The following KCNQ5 variants were observed in gnomAD, a reference collection of about 807,000 sequenced individuals.
The protein encoded by KCNQ5 is potassium voltage-gated channel subfamily KQT member 5.
KCNQ5 carries 30 observed loss-of-function variants against 98.2 expected under a neutral mutation model. The observed-to-expected ratio is 0.31, with a 90% CI of 0.23 to 0.41. The LOEUF is 0.41. KCNQ5 is among the 10% of genes least tolerant of loss of function. The pLI is 1.00. For synonymous variants in KCNQ5, 458 were observed against 449.4 expected (o/e 1.02, Z -0.24); for missense variants, 835 against 1,182.5 (o/e 0.71, Z 4.31).
chr6:73,176,424 T>G (rs767636046), intron 11 of KCNQ5, among the ~76,000 whole-genome samples: 1 of 152,252 alleles, frequency 6.6e-6, no homozygotes, highest in Admixed American at 6.5e-5. Context: ...TCGTGCTTCC[T>G]GCACAGCCTG....
chr6:72,882,148 T>A (rs6908756), intron 1 of KCNQ5, among the ~76,000 whole-genome samples: 40,850 of 152,136 alleles, frequency 0.27, 5,738 homozygotes, highest in Admixed American at 0.3. Context: ...ATTTTTTAAA[T>A]GAACAGAATA....
At chr6:73,053,705 T>G (rs1401955470) in intron 3 of KCNQ5, among the ~76,000 whole-genome samples, 1 of 152,044 alleles carries the variant, frequency 6.6e-6, no homozygotes, top group Non-Finnish European at 1.5e-5. Flanking sequence ...AAAGCAATAT[T>G]AAGAGGGAAG....
Position 73,123,258 on chromosome 6 carries a change from G to C in KCNQ5, c.1221-1228G>C, listed in dbSNP as rs118190501. 9.3e-3 allele frequency among the ~76,000 whole-genome samples: 1,415 copies of C among 152,174 alleles called. 14 individuals carry two copies. Among genetic ancestry groups the C allele is most frequent in the South Asian group, 0.059 (286 of 4,814 alleles). Reference sequence around the variant, plus strand: ...GTGCTAAGGAGAAAAGTAAAATAAAGAAGGAATTTAGGGAGCATCAGAGGC... The same window carrying C: ...GTGCTAAGGAGAAAAGTAAAATAAACAAGGAATTTAGGGAGCATCAGAGGC... On this transcript the variant is annotated intron_variant, in intron 8 of 13. Coordinates refer to ENST00000370398, the MANE Select transcript of KCNQ5 (RefSeq NM_019842.4).
intron 1 of KCNQ5, among the ~76,000 whole-genome samples, chr6:72,792,087 G>T (rs1774082050): frequency 6.6e-6 from 1 of 152,138 alleles, no homozygotes; most frequent in Admixed American, 6.5e-5. Flanking sequence ...ATCTTGATTT[G>T]AGCTTCATTT....
At position 72,622,381 on chromosome 6, in the gene KCNQ5, C is replaced by T. The variant is rs539676999; in HGVS notation, c.192C>T (p.Arg64=). ...ACGGCCTGCTACTGCTGGGCACCCGCGCGGCCACGCTCGGTGGCGGCGGCG... is the reference window on the plus strand; with the variant it reads ...ACGGCCTGCTACTGCTGGGCACCCGTGCGGCCACGCTCGGTGGCGGCGGCG... ...RGDGLLLLGT[R]AATLGGGGGG... is the part of the protein sequence containing the mutation. The change falls in exon 1 of 14, where the codon CGC becomes CGT. Residue 64 remains arginine (R), a synonymous_variant. Transcript: ENST00000370398. This position sits in a 1 kb window ranked among gnomAD's most constrained non-coding sequence, Gnocchi z 6.0. The T allele has an allele frequency of 4.1e-5, 60 of 1,468,286 alleles. No individual in the cohort carries two copies. Among genetic ancestry groups the T allele is most frequent in the African/African-American group, 3.9e-4 (27 of 68,738 alleles). 91.0% of individuals were successfully genotyped at this position (1,468,286 alleles called of 1,614,324 possible).
At chr6:72,904,735 T>C (rs1381450059) in intron 1 of KCNQ5, among the ~76,000 whole-genome samples, 1 of 152,246 alleles carries the variant, frequency 6.6e-6, no homozygotes, top group African/African-American at 2.4e-5. Flanking sequence ...AGAAATCTGC[T>C]GTTAATCTAA....
chr6:72,998,664 GAGA>G (rs1351593646), intron 1 of KCNQ5, among the ~76,000 whole-genome samples: 7 of 151,802 alleles, frequency 4.6e-5, no homozygotes, highest in Admixed American at 3.3e-4. Context: ...GTGAACCCGG[GAGA>G]AGGAGCTTGC....
chr6:72,971,514 A>G (rs1015543491), intron 1 of KCNQ5, among the ~76,000 whole-genome samples: 1 of 152,226 alleles, frequency 6.6e-6, no homozygotes, highest in Admixed American at 6.5e-5. Flanking sequence ...CCAAAGGATT[A>G]TAAATCATGC....
At chr6:72,642,680 C>A (rs1239216321) in intron 1 of KCNQ5, among the ~76,000 whole-genome samples, 1 of 152,098 alleles carries the variant, frequency 6.6e-6, no homozygotes, top group African/African-American at 2.4e-5. Context: ...TTAGTGCAAT[C>A]ATTGTGGAAA....
At chr6:72,667,353 TC>T (rs976046049) in intron 1 of KCNQ5, among the ~76,000 whole-genome samples, 1 of 152,198 alleles carries the variant, frequency 6.6e-6, no homozygotes, top group Non-Finnish European at 1.5e-5. Flanking sequence ...CAGATTCGTA[TC>T]CCGACTTCAC....
intron 1 of KCNQ5, among the ~76,000 whole-genome samples, chr6:72,983,461 T>C (rs1001577938): frequency 1.3e-5 from 2 of 152,214 alleles, no homozygotes; most frequent in African/African-American, 4.8e-5. Context: ...ACTTGATCGA[T>C]AAGGCTGTTG....
chr6:72,869,739 C>T (rs1241521323), intron 1 of KCNQ5, among the ~76,000 whole-genome samples: 6 of 151,998 alleles, frequency 3.9e-5, no homozygotes, highest in Non-Finnish European at 7.4e-5. Context: ...GAGTAATGTG[C>T]CTAAGGGATG....
At chr6:73,090,763 C>T (rs1309674378) in intron 5 of KCNQ5, among the ~76,000 whole-genome samples, 1 of 152,166 alleles carries the variant, frequency 6.6e-6, no homozygotes, top group Non-Finnish European at 1.5e-5. Flanking sequence ...AAGTCAAAAC[C>T]ACAATGAGAT....
At chr6:72,916,710 A>T (rs1022969665) in intron 1 of KCNQ5, among the ~76,000 whole-genome samples, 1 of 152,218 alleles carries the variant, frequency 6.6e-6, no homozygotes, top group Non-Finnish European at 1.5e-5. Flanking sequence ...AGTAAATTCA[A>T]AAAGTTTTCC....
intron 1 of KCNQ5, among the ~76,000 whole-genome samples, chr6:72,684,832 T>TTGTGTCTG (rs1343160810): frequency 6.6e-6 from 1 of 152,042 alleles, no homozygotes; most frequent in Admixed American, 6.6e-5. Context: ...GTGTATGCAT[T>TTGTGTCTG]TGTGTCTGTG....
intron 1 of KCNQ5, among the ~76,000 whole-genome samples, chr6:72,892,170 G>C (rs556739349): frequency 6.6e-6 from 1 of 152,234 alleles, no homozygotes; most frequent in East Asian, 1.9e-4. Context: ...TGCTAAAAGA[G>C]CATCATTTTA....
intron 1 of KCNQ5, among the ~76,000 whole-genome samples, chr6:72,746,064 C>CAAAAAAAAAAAAAAAAAAAAA (rs59726566): frequency 1.2e-5 from 1 of 80,150 alleles, no homozygotes; most frequent in African/African-American, 3.5e-5. Flanking sequence ...ACTCTATTTG[C>CAAAAAAAAAAAAAAAAAAAAA]AAAAAAAAAA....
intron 1 of KCNQ5, among the ~76,000 whole-genome samples, chr6:72,723,298 G>A (rs926564261): frequency 6.6e-6 from 1 of 152,118 alleles, no homozygotes; most frequent in Non-Finnish European, 1.5e-5. Context: ...AAGATTTCAG[G>A]ATTAAAGTCT....
At chr6:72,699,896 G>A (rs747899515) in intron 1 of KCNQ5, among the ~76,000 whole-genome samples, 7 of 152,106 alleles carry the variant, frequency 4.6e-5, no homozygotes, top group African/African-American at 1.2e-4. Context: ...TGTTTCGGGC[G>A]TCAAGCTTTC....
Sources: allele counts gnomAD v4.1 joint callset (sites outside exome capture counted in the v4.1 genomes callset), GRCh38; gene constraint gnomAD v4.1.1; non-coding constraint Gnocchi (gnomAD v3.1); transcripts MANE v1.5; gene names NCBI Gene and HGNC (gene_info 2026-07-23, HGNC 2026-07-21).